CRAMP1: variants seen among roughly 807,000 people sequenced by gnomAD.
CRAMP1 encodes the protein protein cramped-like.
A neutral mutation model predicts 115.4 loss-of-function variants in CRAMP1; 50 were observed. The observed-to-expected ratio is 0.43, with a 90% CI of 0.35 to 0.55. The LOEUF (loss-of-function observed/expected upper bound fraction) is 0.55, where lower values mean the gene tolerates loss of function less well. CRAMP1 is among the 20% of genes least tolerant of loss of function. The pLI, the probability that CRAMP1 is intolerant of heterozygous loss-of-function variation, is 0.01. For synonymous variants in CRAMP1, 866 were observed against 745.4 expected, an observed-to-expected ratio of 1.16 and a Z score of -2.64; for missense variants, 1,679 against 1,721.7, an observed-to-expected ratio of 0.98 and a Z score of 0.44.
chr16:1,619,434 G>A (rs575287990), intron 2 of CRAMP1, among the ~76,000 whole-genome samples: 1 of 152,266 alleles, frequency 6.6e-6, no homozygotes, highest in East Asian at 1.9e-4. Flanking sequence ...GCCTGCCTCG[G>A]CCTCCCAAAG....
chr16:1,633,846 G>T (rs1056389947), intron 4 of CRAMP1, among the ~76,000 whole-genome samples: 2 of 152,136 alleles, frequency 1.3e-5, no homozygotes, highest in Non-Finnish European at 2.9e-5. Flanking sequence ...GAGGCGGGCG[G>T]ATCACGAGGT....
chr16:1,658,642 GA>G (rs1307945002), intron 10 of CRAMP1, among the ~76,000 whole-genome samples: 1 of 152,164 alleles, frequency 6.6e-6, no homozygotes, highest in Non-Finnish European at 1.5e-5. Flanking sequence ...GTGGAGCTGT[GA>G]CAAGCACCCC....
rs190512536 is a variant in CRAMP1 at position 1,674,953 on chromosome 16, T to C, written c.*908T>C. 6.6e-6 allele frequency: 1 copy of C among 152,358 alleles called. No individual in the cohort carries two copies. Among genetic ancestry groups the C allele is most frequent in the East Asian group, 1.9e-4 (1 of 5,184 alleles). 9.4% of individuals were successfully genotyped at this position (152,358 alleles called of 1,614,324 possible). On this transcript the variant is annotated 3_prime_UTR_variant, in exon 21 of 21. Coordinates refer to ENST00000397412, the MANE Select transcript of CRAMP1 (RefSeq NM_020825.4). ...TCCTGATAAGTTCTCAAACTCGATG[T>C]GTGACTGTTTGGCACTTGAGACAAA...
rs1007787052 is a variant in CRAMP1, at chr16:1,637,918, T to C, written c.778+11T>C. 1.3e-6 allele frequency: 2 copies of C among 1,482,610 alleles called. No individual in the cohort carries two copies. The highest frequency in any genetic ancestry group is 1.3e-5 in the South Asian group (1 of 74,964). 91.8% of individuals were successfully genotyped at this position (1,482,610 alleles called of 1,614,324 possible). A position where few individuals can be genotyped will look rare whatever the true frequency, so the allele number is the denominator to read the frequency against. The stretch of plus-strand genomic sequence containing the variant: ...AGAAGATTGGGGGCTGTGAGTACGC[T>C]GACTGTGGGGTTGCCCACGGCTCCT... On this transcript the variant is annotated intron_variant, in intron 5 of 20. Transcript: ENST00000397412.
At position 1,666,745 on chromosome 16, in the gene CRAMP1, CTG is replaced by C. The variant is rs1440786312; in HGVS notation, c.3036+149_3036+150del. The C allele has an allele frequency of 6.8e-6, 5 of 734,552 alleles. No individual in the cohort carries two copies. The highest frequency in any genetic ancestry group is 1.8e-5 in the African/African-American group (1 of 56,714). 45.5% of individuals were successfully genotyped at this position (734,552 alleles called of 1,614,324 possible). A position where few individuals can be genotyped will look rare whatever the true frequency, so the allele number is the denominator to read the frequency against. ...AGGGGTGCCATGGCATAAGCAAACT[CTG>C]TGTAGTACAGAGCAGGAGAGGCCTC... On this transcript the variant is annotated intron_variant, in intron 16 of 20. Coordinates refer to ENST00000397412, the MANE Select transcript of CRAMP1 (RefSeq NM_020825.4). This position sits in a 1 kb window ranked among gnomAD's most constrained non-coding sequence, Gnocchi z 5.0.
rs1305821187 is a variant in CRAMP1 at position 1,614,338 on chromosome 16, G to A, written c.-1-301G>A. ...CGGGGCCGGGGCCGGGGCCGGGGCC[G>A]GGCAGGGTCCGCCGAGCTGTCGCGC... On this transcript the variant is annotated intron_variant, in intron 1 of 20. Coordinates refer to ENST00000397412, the MANE Select transcript of CRAMP1 (RefSeq NM_020825.4). The surrounding 1 kb of genome is among the most constrained non-coding windows in gnomAD (Gnocchi z 4.4). Among the ~76,000 whole-genome samples, 1 of 145,792 alleles carries A rather than the reference G, an allele frequency of 6.9e-6. No individual in the cohort carries two copies. Among genetic ancestry groups the A allele is most frequent in the Non-Finnish European group, 1.5e-5 (1 of 65,478 alleles).
intron 7 of CRAMP1, 103 bp from the exon 8 acceptor site, chr16:1,652,930 C>CCAT: frequency 7.3e-7 from 1 of 1,375,278 alleles, no homozygotes; most frequent in South Asian, 1.3e-5. Flanking sequence ...GTTTGCAAGG[C>CCAT]CATCTGCTCA....
intron 20 of CRAMP1, 28 bp from the exon 21 acceptor site, chr16:1,673,853 T>G (rs2036944116): frequency 6.2e-7 from 1 of 1,612,340 alleles, no homozygotes; most frequent in Admixed American, 1.7e-5. Flanking sequence ...TCGCGGTGAC[T>G]TGTTCTTCCT....
intron 13 of CRAMP1, among the ~76,000 whole-genome samples, chr16:1,664,752 C>T (rs1021603976): frequency 3.3e-5 from 5 of 150,774 alleles, no homozygotes; most frequent in Non-Finnish European, 5.9e-5. Context: ...GCACTCTAGC[C>T]TGGCTGACAG....
At chr16:1,636,933 C>T (rs769881440) in intron 4 of CRAMP1, among the ~76,000 whole-genome samples, 26 of 152,190 alleles carry the variant, frequency 1.7e-4, no homozygotes, top group South Asian at 2.1e-4. Flanking sequence ...CTGGAAGTCT[C>T]CACTACTTCC....
intron 5 of CRAMP1, among the ~76,000 whole-genome samples, chr16:1,640,357 G>T (rs749074772): frequency 9.9e-5 from 15 of 152,206 alleles, no homozygotes; most frequent in Admixed American, 8.5e-4. Flanking sequence ...TCTGATGAGA[G>T]GGGTCAGTGG....
At chr16:1,621,002 A>G (rs1349556583) in intron 2 of CRAMP1, among the ~76,000 whole-genome samples, 2 of 152,048 alleles carry the variant, frequency 1.3e-5, no homozygotes, top group African/African-American at 4.8e-5. Flanking sequence ...ATAACTACCC[A>G]TTGCGAGGAC....
intron 13 of CRAMP1, among the ~76,000 whole-genome samples, chr16:1,663,282 A>G (rs971853071): frequency 2.0e-5 from 3 of 152,232 alleles, no homozygotes; most frequent in Non-Finnish European, 4.4e-5. Context: ...AGAGCTTGGC[A>G]TTCTGACGCA....
Position 1,666,325 on chromosome 16 carries a change from C to A in CRAMP1, c.2858-97C>A. The A allele has an allele frequency of 7.9e-7, 1 of 1,271,346 alleles. No homozygotes were observed. The allele number at this position is 1,271,346 out of a possible 1,614,324, so 78.8% of individuals were successfully genotyped here. On this transcript the variant is annotated intron_variant, in intron 15 of 20. Coordinates refer to ENST00000397412, the MANE Select transcript of CRAMP1 (RefSeq NM_020825.4). This position sits in a 1 kb window ranked among gnomAD's most constrained non-coding sequence, Gnocchi z 5.0. ...TCTAAGCCCTTGGCTCTTGCATTGA[C>A]ATGAGGTGCGAGGGAGAAGCTGTTC...
chr16:1,634,213 C>A (rs966850248), intron 4 of CRAMP1, among the ~76,000 whole-genome samples: 1 of 152,140 alleles, frequency 6.6e-6, no homozygotes, highest in Admixed American at 6.5e-5. Context: ...TTTGCTTGAA[C>A]CATCTGCGGG....
rs1376706592 is a variant in CRAMP1 at position 1,676,058 on chromosome 16, G to C, written c.*2013G>C. On this transcript the variant is annotated 3_prime_UTR_variant, in exon 21 of 21. Coordinates refer to ENST00000397412, the MANE Select transcript of CRAMP1 (RefSeq NM_020825.4). The stretch of plus-strand genomic sequence containing the variant: ...TCTCATACTCCCACAGGCTAGACCA[G>C]AGATGCCAAGTCCCAACAGCACTGA... 2 of 152,258 alleles carry C rather than the reference G, an allele frequency of 1.3e-5. No individual in the cohort carries two copies. Among genetic ancestry groups the C allele is most frequent in the African/African-American group, 4.8e-5 (2 of 41,448 alleles). The allele number at this position is 152,258 out of a possible 1,614,324, so 9.4% of individuals were successfully genotyped here.
intron 2 of CRAMP1, among the ~76,000 whole-genome samples, chr16:1,618,298 A>C (rs2036438300): frequency 6.6e-6 from 1 of 152,140 alleles, no homozygotes; most frequent in African/African-American, 2.4e-5. Context: ...AAATAAATAA[A>C]TATAAAAATA....
intron 2 of CRAMP1, chr16:1,620,647 T>G: frequency 2.2e-6 from 1 of 457,208 alleles, no homozygotes; most frequent in South Asian, 1.5e-5. Flanking sequence ...GACAGACATC[T>G]TCCAAAGGCC....
In CRAMP1 at chr16:1,666,057, G is replaced by C. The variant is rs749052567; in HGVS notation, c.2753-16G>C. 6 of 1,561,546 alleles carry C rather than the reference G, an allele frequency of 3.8e-6. No individual in the cohort carries two copies. In the South Asian group the frequency reaches 6.9e-5, roughly 18 times the overall value. On this transcript the variant is annotated splice_polypyrimidine_tract_variant and intron_variant, in intron 14 of 20. Coordinates refer to ENST00000397412, the MANE Select transcript of CRAMP1 (RefSeq NM_020825.4). This position sits in a 1 kb window ranked among gnomAD's most constrained non-coding sequence, Gnocchi z 5.0. ...GGGCGGGCTCGACATGTCTGCTTTT[G>C]CCCTCGCCCTCGCAGGGAGAGGTTC...
Sources: gnomAD v4.1 joint callset for allele counts (sites outside exome capture counted in the v4.1 genomes callset) on GRCh38, gnomAD v4.1.1 for gene constraint, Gnocchi (gnomAD v3.1) non-coding constraint, MANE v1.5 for transcripts, NCBI Gene and HGNC (gene_info 2026-07-23, HGNC 2026-07-21) for gene names.